FHOD3: variants seen among roughly 807,000 people sequenced by gnomAD.
FHOD3 encodes the protein FH1/FH2 domain-containing protein 3.
In FHOD3, 90 loss-of-function variants were observed where a neutral mutation model predicts 173.0. The ratio of observed to expected loss-of-function variants is 0.52; its 90% confidence interval spans 0.44 to 0.62. The LOEUF (loss-of-function observed/expected upper bound fraction) is 0.62. Among genes scored for constraint, FHOD3 ranks in the 20% least tolerant of loss-of-function variants. The pLI is 0.00. For missense variants in FHOD3, 1,945 were observed against 2,034.7 expected (o/e 0.96, Z 0.85); for synonymous variants, 828 against 823.0 (o/e 1.01, Z -0.10).
chr18:36,450,934 G>A (rs2051808614), intron 3 of FHOD3, among the ~76,000 whole-genome samples: 1 of 152,166 alleles, frequency 6.6e-6, no homozygotes, highest in South Asian at 2.1e-4. Flanking sequence ...AGTGAACCCT[G>A]GAAAGCTGCA....
Position 36,718,358 on chromosome 18 carries a change from G to GC in FHOD3, c.3062dup (p.Pro1022ThrfsTer31). On this transcript the variant is annotated frameshift_variant, in exon 19 of 29. Coordinates refer to ENST00000590592, the MANE Select transcript of FHOD3 (RefSeq NM_001281740.3). LOFTEE classifies it high-confidence loss of function. Reference sequence around the variant, plus strand: ...ACCTGGGTCACAGGGAGGCCCCTGGGCCACCTCCCCCACCCCCACCCACCT... The same window carrying GC: ...ACCTGGGTCACAGGGAGGCCCCTGGGCCCACCTCCCCCACCCCCACCCACCT... 6.2e-7 allele frequency: 1 copy of GC among 1,608,634 alleles called. No individual in the cohort carries two copies.
At chr18:36,331,286 A>G (rs886464013) in intron 1 of FHOD3, among the ~76,000 whole-genome samples, 4 of 152,250 alleles carry the variant, frequency 2.6e-5, no homozygotes, top group African/African-American at 9.6e-5. Context: ...GCCTTTGTAT[A>G]TACTTAATTG....
intron 10 of FHOD3, among the ~76,000 whole-genome samples, chr18:36,636,191 C>T (rs1021823832): frequency 3.9e-5 from 6 of 152,110 alleles, no homozygotes; most frequent in African/African-American, 7.2e-5. Context: ...TTCTAAGGCT[C>T]GATTTTTGCT....
chr18:36,760,556 T>G, intron 26 of FHOD3, 52 bp from the exon 27 acceptor site: 3 of 1,446,746 alleles, frequency 2.1e-6, no homozygotes, highest in Middle Eastern at 1.8e-4. Flanking sequence ...GAAGCTTGAG[T>G]TGTCTTTTTG....
Position 36,740,844 on chromosome 18 carries a change from C to T in FHOD3, c.3759+6C>T, listed in dbSNP as rs747524384. The T allele has an allele frequency of 1.2e-6, 2 of 1,610,002 alleles. No individual in the cohort carries two copies. Among genetic ancestry groups the T allele is most frequent in the Non-Finnish European group, 1.7e-6 (2 of 1,178,768 alleles). On this transcript the variant is annotated splice_donor_region_variant and intron_variant, in intron 21 of 28. Coordinates refer to ENST00000590592, the MANE Select transcript of FHOD3 (RefSeq NM_001281740.3). ...ATTATGAAACTACAGAAAAGGTAAG[C>T]TCTCTGTAAGAGAGGCCGCTGATCC...
At chr18:36,359,132 T>C (rs2046492580) in intron 2 of FHOD3, among the ~76,000 whole-genome samples, 1 of 152,228 alleles carries the variant, frequency 6.6e-6, no homozygotes, top group African/African-American at 2.4e-5. Flanking sequence ...TCTTGATTTC[T>C]TTGTGTCAGT....
chr18:36,663,365 C>T (rs1246706946), intron 14 of FHOD3, among the ~76,000 whole-genome samples: 1 of 152,180 alleles, frequency 6.6e-6, no homozygotes, highest in East Asian at 1.9e-4. Context: ...AGCATCTCCC[C>T]TCTTCCTGCT....
chr18:36,361,619 G>A (rs1034387058), intron 2 of FHOD3, among the ~76,000 whole-genome samples: 1 of 150,596 alleles, frequency 6.6e-6, no homozygotes, highest in Non-Finnish European at 1.5e-5. Flanking sequence ...CCAGGAGGTA[G>A]AGGTTGCAGT....
chr18:36,437,919 C>T (rs1009259058), intron 3 of FHOD3, among the ~76,000 whole-genome samples: 3 of 152,128 alleles, frequency 2.0e-5, no homozygotes, highest in Admixed American at 1.3e-4. Flanking sequence ...GCCTCAGCCT[C>T]CCAAAGTGCT....
At chr18:36,450,328 AAGG>A (rs1233482916) in intron 3 of FHOD3, among the ~76,000 whole-genome samples, 2 of 152,186 alleles carry the variant, frequency 1.3e-5, no homozygotes, top group African/African-American at 4.8e-5. Context: ...CCCTGGTGGG[AAGG>A]AGAAGACTAG....
chr18:36,343,888 A>T (rs1221259993), intron 1 of FHOD3, among the ~76,000 whole-genome samples: 2 of 152,182 alleles, frequency 1.3e-5, no homozygotes, highest in African/African-American at 4.8e-5. Context: ...CTATAGAGAC[A>T]GAAAGGAGAT....
At chr18:36,429,552 A>G (rs901964543) in intron 3 of FHOD3, among the ~76,000 whole-genome samples, 1 of 152,162 alleles carries the variant, frequency 6.6e-6, no homozygotes, top group East Asian at 1.9e-4. Flanking sequence ...TTCCTTTGCC[A>G]TGGGAGAAGA....
intron 14 of FHOD3, among the ~76,000 whole-genome samples, chr18:36,660,755 G>A (rs547092414): frequency 2.0e-5 from 3 of 152,308 alleles, no homozygotes; most frequent in East Asian, 3.9e-4. Flanking sequence ...GGGGAGGTGT[G>A]GACTCAGCAG....
At chr18:36,522,503 A>G (rs543779209) in intron 5 of FHOD3, among the ~76,000 whole-genome samples, 71 of 152,360 alleles carry the variant, frequency 4.7e-4, no homozygotes, top group South Asian at 6.2e-4. Flanking sequence ...TAAATAAGAC[A>G]TGATTTATAC....
chr18:36,594,682 G>A lies in FHOD3; in HGVS notation c.607-105G>A, dbSNP rs562175083. ...GAAGGAATCTGTGTAATTGCTGAGA[G>A]CGTCTCATCTAGGAAGTGCTGGGTG... is the stretch of plus-strand genomic sequence containing the variant. On this transcript the variant is annotated intron_variant, in intron 6 of 28. Transcript: ENST00000590592. The A allele has an allele frequency of 8.1e-4, 543 of 673,056 alleles. 2 individuals carry two copies. Among genetic ancestry groups the A allele is most frequent in the Non-Finnish European group, 1.2e-3 (451 of 379,414 alleles). 41.7% of individuals were successfully genotyped at this position (673,056 alleles called of 1,614,324 possible). A position where few individuals can be genotyped will look rare whatever the true frequency, so the allele number is the denominator to read the frequency against.
rs147674445 is a variant in FHOD3, at chr18:36,326,955, C to G, written c.166-28584C>G. On this transcript the variant is annotated intron_variant, in intron 1 of 28. Transcript: ENST00000590592. ...CAGCTCGGACTTTGGCATTTTACAT[C>G]CAGTGATTCAAGAGTTTTGCCCTTG... Among the ~76,000 whole-genome samples the G allele has an allele frequency of 2.4e-4, 36 of 152,282 alleles. No homozygotes were observed. In the East Asian group the frequency reaches 6.8e-3, roughly 29 times the overall value.
rs1379012478 is a variant in FHOD3 at position 36,780,043 on chromosome 18, A to G, written c.*513A>G. On this transcript the variant is annotated 3_prime_UTR_variant, in exon 29 of 29. Coordinates refer to ENST00000590592, the MANE Select transcript of FHOD3 (RefSeq NM_001281740.3). ...ACCATGTTTCAAATACTAAATAAAT[A>G]GAGTTTAATGCCATAATGAGAAACT... The G allele has an allele frequency of 1.2e-6, 1 of 820,178 alleles. No homozygotes were observed. Among genetic ancestry groups the G allele is most frequent in the Non-Finnish European group, 1.6e-6 (1 of 611,594 alleles). 50.8% of individuals were successfully genotyped at this position (820,178 alleles called of 1,614,324 possible). A position where few individuals can be genotyped will look rare whatever the true frequency, so the allele number is the denominator to read the frequency against.
At chr18:36,670,487 A>G (rs986971580) in intron 14 of FHOD3, among the ~76,000 whole-genome samples, 1 of 151,978 alleles carries the variant, frequency 6.6e-6, no homozygotes, top group South Asian at 2.1e-4. Flanking sequence ...CAAGTTCGCT[A>G]ATTATTTTTC....
At chr18:36,301,700 A>C (rs1011724607) in intron 1 of FHOD3, among the ~76,000 whole-genome samples, 16 of 152,244 alleles carry the variant, frequency 1.1e-4, no homozygotes, top group African/African-American at 3.6e-4. Flanking sequence ...CATTCATAGA[A>C]TCATAGTCCT....
Sources: gnomAD v4.1 joint callset for allele counts (sites outside exome capture counted in the v4.1 genomes callset) on GRCh38, gnomAD v4.1.1 for gene constraint, MANE v1.5 for transcripts, NCBI Gene and HGNC (gene_info 2026-07-23, HGNC 2026-07-21) for gene names.